The following UNC13C variants were observed in gnomAD, a reference collection of about 807,000 sequenced individuals.
UNC13C encodes protein unc-13 homolog C.
A neutral mutation model predicts 245.4 loss-of-function variants in UNC13C; 174 were observed. The ratio of observed to expected loss-of-function variants is 0.71; its 90% CI spans 0.63 to 0.80. The LOEUF (loss-of-function observed/expected upper bound fraction) is 0.80. Among genes scored for constraint, UNC13C ranks in the 30% least tolerant of loss-of-function variants. The pLI is 0.00. For missense variants in UNC13C, 2,829 were observed against 2,602.9 expected (o/e 1.09, Z -1.89); for synonymous variants, 992 against 895.1 (o/e 1.11, Z -1.93).
At chr15:54,221,022 T>G (rs879547229) in intron 4 of UNC13C, among the ~76,000 whole-genome samples, 9 of 152,106 alleles carry the variant, frequency 5.9e-5, no homozygotes, top group Admixed American at 5.9e-4. Context: ...TTGACAATTC[T>G]GATGAAGTCT....
At chr15:54,146,245 T>G (rs2032251950) in intron 4 of UNC13C, among the ~76,000 whole-genome samples, 1 of 152,204 alleles carries the variant, frequency 6.6e-6, no homozygotes, top group Admixed American at 6.6e-5. Context: ...TGGGGCAGAC[T>G]TTTGAAATAC....
chr15:54,005,121 C>A (rs934735284), intron 1 of UNC13C, among the ~76,000 whole-genome samples: 4 of 152,144 alleles, frequency 2.6e-5, no homozygotes, highest in African/African-American at 9.7e-5. Context: ...TCCTGATAAA[C>A]CATTTATACC....
intron 2 of UNC13C, among the ~76,000 whole-genome samples, chr15:54,017,247 C>G (rs1002992832): frequency 1.3e-5 from 2 of 151,826 alleles, no homozygotes; most frequent in Non-Finnish European, 2.9e-5. Flanking sequence ...ATGGGTAGTT[C>G]TCAACTATAT....
chr15:54,510,259 GCCCAGATTCACAC>G (rs1894675170), intron 23 of UNC13C, among the ~76,000 whole-genome samples: 1 of 152,104 alleles, frequency 6.6e-6, no homozygotes, highest in African/African-American at 2.4e-5. Context: ...TGGTAGGATT[GCCCAGATTCACAC>G]CAAATCTTCC....
intron 26 of UNC13C, among the ~76,000 whole-genome samples, chr15:54,536,707 T>C (rs1163387950): frequency 6.6e-6 from 1 of 152,114 alleles, no homozygotes; most frequent in Non-Finnish European, 1.5e-5. Flanking sequence ...ATTCACCATA[T>C]AAACAGAACT....
At chr15:54,443,082 A>G (rs1355133739) in intron 19 of UNC13C, among the ~76,000 whole-genome samples, 1 of 152,006 alleles carries the variant, frequency 6.6e-6, no homozygotes, top group Non-Finnish European at 1.5e-5. Flanking sequence ...TTACTGATTC[A>G]ATCTCATTGC....
Position 54,403,034 on chromosome 15 carries a change from T to C in UNC13C, c.4847+9853T>C, listed in dbSNP as rs556633851. On this transcript the variant is annotated intron_variant, in intron 18 of 32. Coordinates refer to ENST00000260323, the MANE Select transcript of UNC13C (RefSeq NM_001080534.3). ...GCTCCACAATGGTAATCTCCATCTC[T>C]GCTCTACTGCCTTAAGCTCCCTGCC... 8.9e-4 allele frequency among the ~76,000 whole-genome samples: 136 copies of C among 152,346 alleles called. 2 individuals are homozygous for C. The highest frequency in any genetic ancestry group is 3.2e-3 in the African/African-American group (134 of 41,590).
intron 15 of UNC13C, among the ~76,000 whole-genome samples, chr15:54,332,519 T>A (rs2038466322): frequency 6.6e-6 from 1 of 152,034 alleles, no homozygotes; most frequent in South Asian, 2.1e-4. Context: ...AATTTACTGC[T>A]TCATTCTCTT....
At chr15:54,074,451 T>C (rs948441488) in intron 2 of UNC13C, among the ~76,000 whole-genome samples, 1 of 152,216 alleles carries the variant, frequency 6.6e-6, no homozygotes, top group African/African-American at 2.4e-5. Flanking sequence ...GCAGTGAGCC[T>C]ACAGATTACT....
chr15:54,205,327 A>G (rs190407296), intron 4 of UNC13C, among the ~76,000 whole-genome samples: 166 of 152,084 alleles, frequency 1.1e-3, no homozygotes, highest in Non-Finnish European at 1.8e-3. Flanking sequence ...TTGTCCCCCA[A>G]TGTAAGATTT....
chr15:54,300,763 A>G (rs897625403), intron 13 of UNC13C, among the ~76,000 whole-genome samples: 1 of 152,160 alleles, frequency 6.6e-6, no homozygotes, highest in Non-Finnish European at 1.5e-5. Flanking sequence ...AGAGCCAGTG[A>G]CTTATTCCAT....
chr15:54,542,924 C>T (rs1260115955), intron 26 of UNC13C, among the ~76,000 whole-genome samples: 1 of 152,116 alleles, frequency 6.6e-6, no homozygotes, highest in Non-Finnish European at 1.5e-5. Context: ...CTGAATACAG[C>T]ACACTGATGG....
chr15:54,449,840 A>G (rs1450894075), intron 19 of UNC13C, among the ~76,000 whole-genome samples: 1 of 152,116 alleles, frequency 6.6e-6, no homozygotes, highest in African/African-American at 2.4e-5. Flanking sequence ...TTGGAGGAGG[A>G]GAGGCACTCT....
intron 4 of UNC13C, among the ~76,000 whole-genome samples, chr15:54,218,132 A>T (rs1318482782): frequency 6.6e-6 from 1 of 152,016 alleles, no homozygotes; most frequent in Admixed American, 6.6e-5. Context: ...ATGACAGAAG[A>T]CTTAAAACAA....
intron 19 of UNC13C, among the ~76,000 whole-genome samples, chr15:54,460,708 C>G (rs1765180452): frequency 1.3e-5 from 2 of 152,222 alleles, no homozygotes; most frequent in African/African-American, 2.4e-5. Context: ...TTTGCAGTAG[C>G]AAGCTGCTTC....
intron 19 of UNC13C, among the ~76,000 whole-genome samples, chr15:54,462,817 C>G (rs150135952): frequency 4.9e-4 from 75 of 152,278 alleles, no homozygotes; most frequent in Admixed American, 7.8e-4. Flanking sequence ...CCATCAACCA[C>G]CCAAGGGCTG....
chr15:54,475,683 A>G (rs200656271), intron 19 of UNC13C, among the ~76,000 whole-genome samples: 21,063 of 146,002 alleles, frequency 0.14, 1,578 homozygotes, highest in Non-Finnish European at 0.17. Flanking sequence ...TATATGTGCC[A>G]CATTTTCTTA....
At chr15:54,390,120 T>A (rs781195264) in intron 17 of UNC13C, among the ~76,000 whole-genome samples, 2 of 152,252 alleles carry the variant, frequency 1.3e-5, no homozygotes, top group Non-Finnish European at 2.9e-5. Context: ...GTTTATTGAA[T>A]GAATACATTG....
intron 4 of UNC13C, among the ~76,000 whole-genome samples, chr15:54,144,939 T>TTATC (rs1244195235): frequency 6.6e-6 from 1 of 151,866 alleles, no homozygotes; most frequent in Non-Finnish European, 1.5e-5. Flanking sequence ...ATATAATTAA[T>TTATC]TATCTATCTA....
Sources: allele counts gnomAD v4.1 joint callset (sites outside exome capture counted in the v4.1 genomes callset), GRCh38; gene constraint gnomAD v4.1.1; transcripts MANE v1.5; gene names NCBI Gene and HGNC (gene_info 2026-07-23, HGNC 2026-07-21).